Variants in SPAM1 observed in about 807,000 individuals in gnomAD.
SPAM1 encodes the protein hyaluronidase PH-20.
In SPAM1, 22 loss-of-function variants were observed where a neutral mutation model predicts 29.6. The ratio of observed to expected loss-of-function variants is 0.74; its 90% CI spans 0.53 to 1.06. The LOEUF is 1.06. Ranked by LOEUF, SPAM1 falls within the 50% of genes least tolerant of loss-of-function variation. SPAM1 has a pLI of 0.00. For synonymous variants in SPAM1, 194 were observed against 204.6 expected (o/e 0.95, Z 0.44); for missense variants, 534 against 604.0 (o/e 0.88, Z 1.21).
In SPAM1 at chr7:123,937,458, G is replaced by A. The variant is rs574364237; in HGVS notation, c.-319+12106G>A. Among the ~76,000 whole-genome samples the A allele has an allele frequency of 4.0e-3, 608 of 151,984 alleles. 1 individual carries two copies. The highest frequency in any genetic ancestry group is 6.7e-3 in the Non-Finnish European group (454 of 67,978). On this transcript the variant is annotated intron_variant, in intron 1 of 4. Transcript: ENST00000682466. The stretch of plus-strand genomic sequence containing the variant: ...CTACTAAAAATACAAAAAATTAGCC[G>A]GGCATGGTGGCGGGCGCCTGTAGTC...
At chr7:123,948,973 C>CTTTTTTTTTTTTTT (rs58149943) in intron 1 of SPAM1, among the ~76,000 whole-genome samples, 2 of 141,286 alleles carry the variant, frequency 1.4e-5, no homozygotes, top group Non-Finnish European at 1.5e-5. Flanking sequence ...AAATTTGGCT[C>CTTTTTTTTTTTTTT]TTTTTTTTTT....
chr7:123,967,935 T>G (rs1352055447), intron 5 of SPAM1, among the ~76,000 whole-genome samples: 1 of 151,930 alleles, frequency 6.6e-6, no homozygotes, highest in Non-Finnish European at 1.5e-5. Flanking sequence ...AGTCTTGAAT[T>G]AGGAAAGTAT....
intron 1 of SPAM1, among the ~76,000 whole-genome samples, chr7:123,945,913 G>T (rs1208289872): frequency 6.6e-6 from 1 of 151,744 alleles, no homozygotes; most frequent in African/African-American, 2.4e-5. Context: ...AGGTAGAGTT[G>T]GTCAACTCTG....
intron 1 of SPAM1, among the ~76,000 whole-genome samples, chr7:123,948,550 T>C (rs2117050718): frequency 1.3e-5 from 2 of 152,164 alleles, no homozygotes; most frequent in South Asian, 4.2e-4. Flanking sequence ...TAGTTTTGAG[T>C]GAGGTCTGTA....
At chr7:123,940,643 C>T (rs556705272) in intron 1 of SPAM1, among the ~76,000 whole-genome samples, 1 of 152,140 alleles carries the variant, frequency 6.6e-6, no homozygotes, top group Admixed American at 6.5e-5. Context: ...CTCATACCAC[C>T]ATGCCCAGCT....
At chr7:123,928,773 T>A (rs1253063357) in intron 1 of SPAM1, among the ~76,000 whole-genome samples, 1 of 152,182 alleles carries the variant, frequency 6.6e-6, no homozygotes, top group Non-Finnish European at 1.5e-5. Context: ...CTTTCCTTTC[T>A]TTCAAGTGCA....
At position 123,954,449 on chromosome 7, in the gene SPAM1, T is replaced by G; in HGVS notation, c.879T>G (p.Asp293Glu). Residue 293 changes from aspartate (D) to glutamate (E), a missense_variant, in exon 3 of 5, where the codon GAT (aspartate) becomes GAG (glutamate). By Grantham distance (45) the Asp-to-Glu change is conservative. Coordinates refer to ENST00000682466, the MANE Select transcript of SPAM1 (RefSeq NM_153189.3). ...REAIRVSKIP[D>E]AKSPLPVFAY... ...CCATCAGAGTTTCCAAAATACCTGA[T>G]GCAAAAAGTCCACTTCCGGTTTTTG... 6.2e-7 allele frequency: 1 copy of G among 1,613,378 alleles called. No homozygotes were observed. The highest frequency in any genetic ancestry group is 8.5e-7 in the Non-Finnish European group (1 of 1,179,600).
rs71163712 is a variant in SPAM1 at position 123,929,895 on chromosome 7, AT to A, written c.-319+4563del. Among the ~76,000 whole-genome samples, 959 of 119,788 alleles carry A rather than the reference AT, an allele frequency of 8.0e-3. 7 individuals are homozygous for A. Among genetic ancestry groups the A allele is most frequent in the South Asian group, 0.021 (75 of 3,492 alleles). The allele number at this position is 119,788 out of a possible 152,430, so 78.6% of individuals were successfully genotyped here. A position where few individuals can be genotyped will look rare whatever the true frequency, so the allele number is the denominator to read the frequency against. ...AAAGAAGGAAGCTGGGTGTTTAGGGATTTTTTTTTTTTTTTTTTTTGAGGAG... is the reference window on the plus strand; with the variant it reads ...AAAGAAGGAAGCTGGGTGTTTAGGGATTTTTTTTTTTTTTTTTTTGAGGAG... On this transcript the variant is annotated intron_variant, in intron 1 of 4. Transcript: ENST00000682466.
intron 5 of SPAM1, chr7:123,970,184 T>C (rs1188327012): frequency 1.3e-6 from 2 of 1,548,286 alleles, no homozygotes; most frequent in Admixed American, 2.0e-5. Context: ...AATTTTCTTA[T>C]GGTTTTCTTA....
intron 1 of SPAM1, among the ~76,000 whole-genome samples, chr7:123,937,324 G>T (rs573965664): frequency 2.6e-5 from 4 of 152,102 alleles, no homozygotes; most frequent in African/African-American, 4.8e-5. Context: ...ACTTCAGGCC[G>T]GGCGCGGTGG....
intron 4 of SPAM1, among the ~76,000 whole-genome samples, chr7:123,956,334 A>G (rs1792247778): frequency 6.6e-6 from 1 of 152,068 alleles, no homozygotes; most frequent in Admixed American, 6.6e-5. Context: ...TTTAAATAAT[A>G]GATCTATCAT....
At chr7:123,961,832 G>A (rs1043498135), downstream of SPAM1, among the ~76,000 whole-genome samples, 23 of 152,078 alleles carry the variant, frequency 1.5e-4, no homozygotes, top group Admixed American at 3.9e-4. Flanking sequence ...GGTGAAAGGC[G>A]AAAGCCACTT....
downstream of SPAM1, among the ~76,000 whole-genome samples, chr7:123,963,157 G>T (rs1412492154): frequency 6.6e-6 from 1 of 151,826 alleles, no homozygotes; most frequent in Non-Finnish European, 1.5e-5. Context: ...AATTTAGATA[G>T]ATATTGCAAA....
chr7:123,951,571 A>G (rs1033685785), intron 2 of SPAM1, among the ~76,000 whole-genome samples: 6 of 152,106 alleles, frequency 3.9e-5, no homozygotes, highest in Admixed American at 2.0e-4. Flanking sequence ...GAAGACTTCT[A>G]TGGGTAGAGA....
chr7:123,947,578 CCACACACACA>C lies in SPAM1; in HGVS notation c.-318-2261_-318-2252del, dbSNP rs3993662. On this transcript the variant is annotated intron_variant, in intron 1 of 4. Coordinates refer to ENST00000682466, the MANE Select transcript of SPAM1 (RefSeq NM_153189.3). ...GATTGAATTTGCTGAGATTAAAACA[CCACACACACA>C]CACACACACACACACACACACACAC... is the stretch of plus-strand genomic sequence containing the variant. 7.1e-3 allele frequency: 1,054 copies of C among 147,750 alleles called. 10 individuals carry two copies. The highest frequency in any genetic ancestry group is 0.018 in the African/African-American group (727 of 39,856). The allele number at this position is 147,750 out of a possible 1,614,324, so 9.2% of individuals were successfully genotyped here.
At chr7:123,947,578 C>CCACACACACA (rs3993662) in intron 1 of SPAM1, 6 of 147,648 alleles carry the variant, frequency 4.1e-5, no homozygotes, top group Admixed American at 3.4e-4. Context: ...GATTAAAACA[C>CCACACACACA]CACACACACA....
intron 4 of SPAM1, among the ~76,000 whole-genome samples, chr7:123,955,982 T>C (rs1792241116): frequency 6.6e-6 from 1 of 151,928 alleles, no homozygotes; most frequent in African/African-American, 2.4e-5. Context: ...TCCTATTATT[T>C]AAAAACTTAT....
At chr7:123,949,765 A>T (rs189095311) in intron 1 of SPAM1, 107 bp from the exon 2 acceptor site, 1 of 152,222 alleles carries the variant, frequency 6.6e-6, no homozygotes, top group African/African-American at 2.4e-5. Flanking sequence ...CAGTGATAAA[A>T]CGCCTTTACA....
chr7:123,955,785 C>G (rs1191343966), intron 4 of SPAM1, among the ~76,000 whole-genome samples: 1 of 151,818 alleles, frequency 6.6e-6, no homozygotes, highest in Non-Finnish European at 1.5e-5. Flanking sequence ...TTTTGCATAA[C>G]TCTTTTGTCT....
Sources: allele counts gnomAD v4.1 joint callset (sites outside exome capture counted in the v4.1 genomes callset), GRCh38; gene constraint gnomAD v4.1.1; transcripts MANE v1.5; gene names NCBI Gene and HGNC (gene_info 2026-07-23, HGNC 2026-07-21).